NOC3L: variants seen among roughly 807,000 people sequenced by gnomAD.
The protein encoded by NOC3L is nucleolar complex protein 3 homolog.
NOC3L carries 85 observed loss-of-function variants against 102.5 expected under a neutral mutation model. The ratio of observed to expected loss-of-function variants is 0.83; its 90% confidence interval spans 0.70 to 0.99. The LOEUF is 0.99. NOC3L is among the 50% of genes least tolerant of loss of function. The pLI, the probability that NOC3L is intolerant of heterozygous loss-of-function variation, is 0.00. For missense variants in NOC3L, 878 were observed against 914.9 expected (o/e 0.96, Z 0.52); for synonymous variants, 303 against 309.4 (o/e 0.98, Z 0.22).
intron 9 of NOC3L, 79 bp from the exon 10 acceptor site, chr10:94,349,457 T>C (rs1489254196): frequency 1.8e-5 from 24 of 1,306,624 alleles, no homozygotes. Flanking sequence ...GAATTCTTTG[T>C]TGTAGGGGGA....
At chr10:94,334,548 A>G (rs1260510431) in intron 20 of NOC3L, 86 bp downstream of exon 20, 1 of 1,005,952 alleles carries the variant, frequency 9.9e-7, no homozygotes, top group Non-Finnish European at 1.5e-6. Flanking sequence ...AACTACCTAT[A>G]AAATAATTAA....
chr10:94,332,254 A>C (rs565391861), downstream of NOC3L: 2 of 152,324 alleles, frequency 1.3e-5, no homozygotes, highest in South Asian at 4.1e-4. Flanking sequence ...TCCCTATTGC[A>C]GATGACATAG....
chr10:94,328,362 T>C (rs2133957108), downstream of NOC3L: 1 of 154,694 alleles, frequency 6.5e-6, no homozygotes, highest in South Asian at 2.0e-4. Context: ...GTGGCTGTAT[T>C]CCAATAAAAC....
At chr10:94,352,272 T>C in intron 8 of NOC3L, 38 bp downstream of exon 8, 2 of 1,346,268 alleles carry the variant, frequency 1.5e-6, no homozygotes, top group Non-Finnish European at 2.1e-6. Context: ...TGATCAAGGC[T>C]AAGTATGTTA....
At chr10:94,344,333 C>G (rs1421917003) in intron 13 of NOC3L, 82 bp downstream of exon 13, 1 of 772,652 alleles carries the variant, frequency 1.3e-6, no homozygotes, top group African/African-American at 1.7e-5. Context: ...GATAATGGGC[C>G]ATCATTAGGG....
chr10:94,343,094 A>G (rs2133991129), intron 13 of NOC3L, among the ~76,000 whole-genome samples: 1 of 152,266 alleles, frequency 6.6e-6, no homozygotes, highest in East Asian at 1.9e-4. Flanking sequence ...CAAAAAAAAA[A>G]AAAAAGGTGG....
At chr10:94,324,386 G>A in the NOC3L span, 9 of 1,614,034 alleles carry the variant, frequency 5.6e-6, no homozygotes, top group Non-Finnish European at 7.6e-6. Flanking sequence ...AGCATCCTGA[G>A]CAACCCCAAT....
At chr10:94,347,875 G>C (rs2054363862) in intron 10 of NOC3L, among the ~76,000 whole-genome samples, 1 of 151,874 alleles carries the variant, frequency 6.6e-6, no homozygotes, top group Admixed American at 6.6e-5. Context: ...TCTCTGTGTG[G>C]ACTATTTTGA....
intron 9 of NOC3L, 114 bp from the exon 10 acceptor site, chr10:94,349,492 C>T (rs2054389319): frequency 2.3e-6 from 2 of 854,724 alleles, no homozygotes; most frequent in Non-Finnish European, 3.4e-6. Flanking sequence ...TTAAAAGCCT[C>T]CATGGACTTT....
intron 8 of NOC3L, among the ~76,000 whole-genome samples, chr10:94,350,612 G>T (rs1023601640): frequency 6.6e-6 from 1 of 151,716 alleles, no homozygotes; most frequent in Non-Finnish European, 1.5e-5. Flanking sequence ...CAGCTATTCA[G>T]GAGGCTGAGG....
chr10:94,344,361 T>C (rs575885233), intron 13 of NOC3L, 54 bp downstream of exon 13: 2 of 1,177,656 alleles, frequency 1.7e-6, no homozygotes, highest in Admixed American at 2.0e-5. Context: ...GAAAATTCTT[T>C]GGTCTTTCCT....
the NOC3L span, among the ~76,000 whole-genome samples, chr10:94,315,748 C>T: frequency 3.9e-5 from 5 of 127,956 alleles, no homozygotes; most frequent in Admixed American, 1.9e-4. Context: ...CCAGCCTGGG[C>T]GACAGAGGGA....
At chr10:94,362,803 G>C in intron 1 of NOC3L, 27 bp downstream of exon 1, 1 of 1,613,966 alleles carries the variant, frequency 6.2e-7, no homozygotes, top group Non-Finnish European at 8.5e-7. Flanking sequence ...CCTAGGCCGC[G>C]GCGACCGGGC....
intron 4 of NOC3L, 93 bp from the exon 5 acceptor site, chr10:94,356,684 G>A (rs374500156): frequency 6.5e-6 from 5 of 770,372 alleles, no homozygotes; most frequent in Admixed American, 4.3e-5. Context: ...ATAAAACTCA[G>A]GATAGCAGTT....
At position 94,349,255 on chromosome 10, in the gene NOC3L, G is replaced by T; in HGVS notation, c.1252C>A (p.Pro418Thr). 6.4e-7 allele frequency: 1 copy of T among 1,567,200 alleles called. No individual in the cohort carries two copies. The highest frequency in any genetic ancestry group is 1.4e-5 in the African/African-American group (1 of 71,378). Residue 418 changes from proline to threonine, a missense_variant, in exon 10 of 21, where the codon CCA becomes ACA. By Grantham distance (38) the Pro-to-Thr change is conservative. Transcript: ENST00000371361. The stretch of plus-strand genomic sequence containing the variant: ...GTAAAAAAAAAAAGGCTCACCTCTG[G>T]CCTAACTTCGTAATTTCTGCCCTTC... ...FVKGRNYEVRPEMLKTFLCLR... is the reference protein window; with the variant it reads ...FVKGRNYEVRTEMLKTFLCLR...
At chr10:94,361,577 G>A in intron 2 of NOC3L, 88 bp downstream of exon 2, 1 of 1,266,912 alleles carries the variant, frequency 7.9e-7, no homozygotes. Flanking sequence ...AACAAGAAAA[G>A]CGATTACTAG....
intron 1 of NOC3L, 148 bp downstream of exon 1, chr10:94,362,682 G>T: frequency 1.3e-6 from 1 of 791,264 alleles, no homozygotes. Flanking sequence ...AACCAAGGAT[G>T]AGCTCGGTGT....
chr10:94,321,875 C>G, the NOC3L span: 4 of 1,561,040 alleles, frequency 2.6e-6, no homozygotes, highest in South Asian at 3.3e-5. Flanking sequence ...CTATTATTTA[C>G]TCACATTTTT....
At chr10:94,340,626 C>T (rs919045114) in intron 14 of NOC3L, 130 bp from the exon 15 acceptor site, 6 of 728,934 alleles carry the variant, frequency 8.2e-6, no homozygotes, top group Non-Finnish European at 1.1e-5. Context: ...ATTTGGGAGG[C>T]TGAGGCAGGC....
Sources: gnomAD v4.1 joint callset for allele counts (sites outside exome capture counted in the v4.1 genomes callset) on GRCh38, gnomAD v4.1.1 for gene constraint, MANE v1.5 for transcripts, NCBI Gene and HGNC (gene_info 2026-07-23, HGNC 2026-07-21) for gene names.